The following SLC35F1 variants were observed in gnomAD, a reference collection of about 807,000 sequenced individuals.
The protein encoded by SLC35F1 is solute carrier family 35 member F1.
Under a neutral mutation model 48.7 loss-of-function variants are expected in SLC35F1, and 14 were observed. That is an observed-to-expected ratio of 0.29 (90% confidence interval 0.19 to 0.45). The LOEUF (loss-of-function observed/expected upper bound fraction) is 0.45, where lower values mean the gene tolerates loss of function less well. Ranked by LOEUF, SLC35F1 falls within the 20% of genes least tolerant of loss-of-function variation. The pLI is 1.00. For synonymous variants in SLC35F1, 190 were observed against 202.2 expected (o/e 0.94, Z 0.51); for missense variants, 404 against 500.0 (o/e 0.81, Z 1.83).
At chr6:118,285,468 T>C in intron 7 of SLC35F1, 130 bp downstream of exon 7, 1 of 1,018,290 alleles carries the variant, frequency 9.8e-7, no homozygotes. Context: ...TGTGCTAACC[T>C]CCATGATTTA....
At chr6:118,119,868 T>A (rs1773530514) in intron 1 of SLC35F1, among the ~76,000 whole-genome samples, 2 of 152,060 alleles carry the variant, frequency 1.3e-5, no homozygotes, top group Non-Finnish European at 2.9e-5. Flanking sequence ...AAGAATAAGG[T>A]CACATATCAA....
intron 1 of SLC35F1, among the ~76,000 whole-genome samples, chr6:117,923,215 G>C (rs1367076125): frequency 6.6e-6 from 1 of 152,024 alleles, no homozygotes; most frequent in Non-Finnish European, 1.5e-5. Flanking sequence ...TATTTCTAAA[G>C]CATATGTATA....
intron 1 of SLC35F1, among the ~76,000 whole-genome samples, chr6:117,976,628 C>T (rs1290339151): frequency 6.6e-6 from 1 of 151,986 alleles, no homozygotes; most frequent in Non-Finnish European, 1.5e-5. Context: ...AGGTCTAAGC[C>T]TATGCATATT....
intron 1 of SLC35F1, among the ~76,000 whole-genome samples, chr6:118,044,534 T>G (rs1462683970): frequency 6.6e-6 from 1 of 152,186 alleles, no homozygotes; most frequent in Non-Finnish European, 1.5e-5. Flanking sequence ...AGGCTGTGAC[T>G]GGGAGGCCCT....
chr6:118,052,275 G>A (rs140306102), intron 1 of SLC35F1, among the ~76,000 whole-genome samples: 254 of 152,164 alleles, frequency 1.7e-3, no homozygotes, highest in African/African-American at 5.4e-3. Context: ...CCCAGGTGTC[G>A]TTCACATACA....
chr6:117,986,446 A>G (rs559800015), intron 1 of SLC35F1, among the ~76,000 whole-genome samples: 1 of 152,336 alleles, frequency 6.6e-6, no homozygotes, highest in South Asian at 2.1e-4. Context: ...TAACTCGGAA[A>G]AACTTACTAA....
chr6:118,000,889 C>T (rs1215574705), intron 1 of SLC35F1, among the ~76,000 whole-genome samples: 1 of 152,136 alleles, frequency 6.6e-6, no homozygotes, highest in Non-Finnish European at 1.5e-5. Context: ...ATCCAACTTA[C>T]AGGGGACATG....
chr6:118,102,081 T>C (rs1773265957), intron 1 of SLC35F1, among the ~76,000 whole-genome samples: 2 of 152,222 alleles, frequency 1.3e-5, no homozygotes, highest in South Asian at 2.1e-4. Flanking sequence ...ATGATGGCCA[T>C]GGCAGCTTTG....
chr6:118,081,436 G>A (rs898083876), intron 1 of SLC35F1, among the ~76,000 whole-genome samples: 34 of 151,844 alleles, frequency 2.2e-4, no homozygotes, highest in African/African-American at 7.7e-4. Flanking sequence ...TTTGGGACCA[G>A]CCTGGGCAAC....
intron 7 of SLC35F1, among the ~76,000 whole-genome samples, chr6:118,309,219 T>G (rs2114669770): frequency 6.6e-6 from 1 of 151,552 alleles, no homozygotes; most frequent in Middle Eastern, 3.4e-3. Context: ...GTGTATTTTT[T>G]TTTAAGAGAC....
intron 6 of SLC35F1, among the ~76,000 whole-genome samples, chr6:118,279,261 A>T (rs1330921660): frequency 6.6e-6 from 1 of 152,186 alleles, no homozygotes; most frequent in Non-Finnish European, 1.5e-5. Flanking sequence ...TCAAACTATC[A>T]CATGTACCTC....
intron 2 of SLC35F1, among the ~76,000 whole-genome samples, chr6:118,200,422 T>C (rs1774860018): frequency 6.6e-6 from 1 of 152,160 alleles, no homozygotes; most frequent in African/African-American, 2.4e-5. Flanking sequence ...CTACACCAAC[T>C]TGACAGGATT....
chr6:118,203,597 C>G (rs1294666644), intron 2 of SLC35F1, among the ~76,000 whole-genome samples: 1 of 152,200 alleles, frequency 6.6e-6, no homozygotes, highest in Admixed American at 6.5e-5. Context: ...AAGCCTTGCT[C>G]TTGGAGGGAA....
intron 1 of SLC35F1, among the ~76,000 whole-genome samples, chr6:118,134,694 T>C (rs1375265500): frequency 6.6e-6 from 1 of 152,152 alleles, no homozygotes; most frequent in Non-Finnish European, 1.5e-5. Context: ...AGGCAAGCCT[T>C]TTTAGGGGCA....
At chr6:118,035,730 C>T (rs866965286) in intron 1 of SLC35F1, among the ~76,000 whole-genome samples, 24 of 133,318 alleles carry the variant, frequency 1.8e-4, no homozygotes, top group Middle Eastern at 5.5e-3. Flanking sequence ...CGCTCTGTCA[C>T]CCAGGCTGGA....
chr6:117,927,695 T>C (rs984871026), intron 1 of SLC35F1, among the ~76,000 whole-genome samples: 6 of 152,156 alleles, frequency 3.9e-5, no homozygotes, highest in African/African-American at 1.4e-4. Flanking sequence ...ATGGTAGATA[T>C]TGTAGTCAAC....
chr6:118,228,904 A>G (rs538922915), intron 2 of SLC35F1, among the ~76,000 whole-genome samples: 2 of 151,914 alleles, frequency 1.3e-5, no homozygotes, highest in South Asian at 4.2e-4. Context: ...GACACCACCC[A>G]TGAGATCCCT....
At chr6:118,221,647 C>T (rs1889465) in intron 2 of SLC35F1, among the ~76,000 whole-genome samples, 142,137 of 152,256 alleles carry the variant, frequency 0.93, 66,409 homozygotes, top group East Asian at 0.98. Flanking sequence ...GCTTTCTTAT[C>T]ATGAAAAATT....
intron 2 of SLC35F1, among the ~76,000 whole-genome samples, chr6:118,184,749 T>C (rs1774633480): frequency 2.0e-5 from 3 of 152,302 alleles, no homozygotes; most frequent in South Asian, 2.1e-4. Context: ...TCCAGATATG[T>C]AGGAATAACA....
Sources: gnomAD v4.1 joint callset for allele counts (sites outside exome capture counted in the v4.1 genomes callset) on GRCh38, gnomAD v4.1.1 for gene constraint, MANE v1.5 for transcripts, NCBI Gene and HGNC (gene_info 2026-07-23, HGNC 2026-07-21) for gene names.